ARHGEF18: variants seen among roughly 807,000 people sequenced by gnomAD.
The protein encoded by ARHGEF18 is rho guanine nucleotide exchange factor 18.
Under a neutral mutation model 155.7 loss-of-function variants are expected in ARHGEF18, and 93 were observed. The observed-to-expected ratio is 0.60, with a 90% CI of 0.50 to 0.71. The LOEUF is 0.71. Among genes scored for constraint, ARHGEF18 ranks in the 30% least tolerant of loss-of-function variants. The pLI, the probability that ARHGEF18 is intolerant of heterozygous loss-of-function variation, is 0.00. For missense variants in ARHGEF18, 1,593 were observed against 1,816.1 expected (o/e 0.88, Z 2.23); for synonymous variants, 742 against 753.1 (o/e 0.99, Z 0.24).
At chr19:7,438,958 C>G (rs376103129) in intron 10 of ARHGEF18, among the ~76,000 whole-genome samples, 3 of 151,904 alleles carry the variant, frequency 2.0e-5, no homozygotes, top group Non-Finnish European at 2.9e-5. Context: ...CTGCAACCTC[C>G]GACTCCCGGG....
intron 11 of ARHGEF18, among the ~76,000 whole-genome samples, chr19:7,441,190 T>C (rs1242666709): frequency 8.7e-6 from 1 of 114,364 alleles, no homozygotes; most frequent in African/African-American, 3.4e-5. Flanking sequence ...ACCACTTTTT[T>C]TTTTTTTTCT....
At chr19:7,372,492 G>A (rs1332481193) in intron 2 of ARHGEF18, among the ~76,000 whole-genome samples, 1 of 152,016 alleles carries the variant, frequency 6.6e-6, no homozygotes, top group Non-Finnish European at 1.5e-5. Flanking sequence ...AAAAAAGAGA[G>A]AGAGATAATC....
chr19:7,362,146 A>G (rs1208092790), intron 1 of ARHGEF18, among the ~76,000 whole-genome samples: 1 of 41,136 alleles, frequency 2.4e-5, no homozygotes, highest in African/African-American at 1.8e-4. Context: ...GGAGAAGGAG[A>G]AGGAGAAGGA....
intron 10 of ARHGEF18, among the ~76,000 whole-genome samples, chr19:7,438,514 C>A (rs928805762): frequency 6.6e-6 from 1 of 151,704 alleles, no homozygotes; most frequent in Non-Finnish European, 1.5e-5. Context: ...GGGGTTCAAA[C>A]GATTCTCCTG....
At chr19:7,417,569 C>T (rs1195893840) in intron 10 of ARHGEF18, among the ~76,000 whole-genome samples, 1 of 152,090 alleles carries the variant, frequency 6.6e-6, no homozygotes, top group East Asian at 1.9e-4. Flanking sequence ...GAGTGGCGCA[C>T]GCCTGTAATC....
At chr19:7,369,561 G>A (rs1052465261) in intron 2 of ARHGEF18, among the ~76,000 whole-genome samples, 15 of 152,050 alleles carry the variant, frequency 9.9e-5, no homozygotes, top group African/African-American at 3.4e-4. Context: ...CCCTTTGGGA[G>A]GCTGAGGCAG....
intron 10 of ARHGEF18, among the ~76,000 whole-genome samples, chr19:7,416,584 G>A (rs965043243): frequency 1.7e-5 from 2 of 121,118 alleles, no homozygotes; most frequent in African/African-American, 6.1e-5. Context: ...TGTGTTTTGG[G>A]GTGGATGATA....
chr19:7,424,160 G>A (rs191199815), intron 10 of ARHGEF18, among the ~76,000 whole-genome samples: 1 of 152,058 alleles, frequency 6.6e-6, no homozygotes, highest in East Asian at 1.9e-4. Context: ...CCGAGTAGCT[G>A]GGATTACAGG....
chr19:7,395,374 G>C lies in ARHGEF18; in HGVS notation c.967+12171G>C. ...TCGGGCCTCCCGCCGGCTCCTGGGG[G>C]ACTTCTCCAGGCAGGCGAACGGGTG... On this transcript the variant is annotated intron_variant, in intron 10 of 28. Coordinates refer to ENST00000668164, the MANE Select transcript of ARHGEF18 (RefSeq NM_001367823.1). This position sits in a 1 kb window ranked among gnomAD's most constrained non-coding sequence, Gnocchi z 5.0. 1 of 933,438 alleles carries C rather than the reference G, an allele frequency of 1.1e-6. No individual in the cohort carries two copies. Among genetic ancestry groups the C allele is most frequent in the Non-Finnish European group, 1.3e-6 (1 of 782,524 alleles). 57.8% of individuals were successfully genotyped at this position (933,438 alleles called of 1,614,324 possible).
At chr19:7,409,784 TATTGAG>T (rs1972564140) in intron 10 of ARHGEF18, among the ~76,000 whole-genome samples, 1 of 136,456 alleles carries the variant, frequency 7.3e-6, no homozygotes, top group Non-Finnish European at 1.5e-5. Flanking sequence ...TTTTTTTTTT[TATTGAG>T]ATGGAGTCTC....
chr19:7,441,905 C>T lies in ARHGEF18; in HGVS notation c.1220-7C>T. ...CCCCCAGCAGCCACACCTCGCTCTT[C>T]CCTCAGATCCCTACACCGCCTCGCT... On this transcript the variant is annotated splice_polypyrimidine_tract_variant and splice_region_variant and intron_variant, in intron 12 of 28. Transcript: ENST00000668164. The T allele has an allele frequency of 6.2e-7, 1 of 1,614,006 alleles. No individual in the cohort carries two copies.
At chr19:7,429,389 G>A (rs780179065) in intron 10 of ARHGEF18, among the ~76,000 whole-genome samples, 1 of 152,088 alleles carries the variant, frequency 6.6e-6, no homozygotes, top group Non-Finnish European at 1.5e-5. Flanking sequence ...GATCACTTGA[G>A]GTCAGGCTTT....
rs1022773869 is a variant in ARHGEF18 at position 7,457,319 on chromosome 19, G to A, written c.2181+916G>A. 2.4e-4 allele frequency among the ~76,000 whole-genome samples: 34 copies of A among 143,132 alleles called. No homozygotes were observed. The East Asian group carries it at 5.3e-3, about 22-fold the overall frequency. 93.9% of individuals were successfully genotyped at this position (143,132 alleles called of 152,430 possible). A position where few individuals can be genotyped will look rare whatever the true frequency, so the allele number is the denominator to read the frequency against. On this transcript the variant is annotated intron_variant, in intron 18 of 28. Coordinates refer to ENST00000668164, the MANE Select transcript of ARHGEF18 (RefSeq NM_001367823.1). ...TGCCAGTCAGATTGGATTTGGGCCCGCCCATATGATCTCATTTTGCCATAA... is the reference window on the plus strand; with the variant it reads ...TGCCAGTCAGATTGGATTTGGGCCCACCCATATGATCTCATTTTGCCATAA...
chr19:7,407,806 C>CAA, intron 10 of ARHGEF18, among the ~76,000 whole-genome samples: 2 of 151,370 alleles, frequency 1.3e-5, no homozygotes. Flanking sequence ...ACTGAAAATA[C>CAA]AAAAAAACTA....
At chr19:7,475,930 C>T (rs985453766), downstream of ARHGEF18, among the ~76,000 whole-genome samples, 7 of 152,224 alleles carry the variant, frequency 4.6e-5, no homozygotes, top group African/African-American at 1.7e-4. Context: ...AAGCCTGGCC[C>T]ACTCGTGAGT....
At chr19:7,441,630 T>C (rs1355755916) in intron 11 of ARHGEF18, 23 bp from the exon 12 acceptor site, 21 of 1,597,258 alleles carry the variant, frequency 1.3e-5, no homozygotes, top group Non-Finnish European at 1.7e-5. Context: ...TCTAAAACAA[T>C]TGTTTTTATT....
At chr19:7,468,782 A>C (rs1254854474) in intron 26 of ARHGEF18, 43 bp from the exon 27 acceptor site, 1 of 1,487,978 alleles carries the variant, frequency 6.7e-7, no homozygotes. Flanking sequence ...GAGGCCGCAC[A>C]GCAGGAACCT....
intron 1 of ARHGEF18, among the ~76,000 whole-genome samples, chr19:7,350,781 T>G (rs1236521869): frequency 1.8e-4 from 25 of 139,652 alleles, no homozygotes; most frequent in East Asian, 8.7e-4. Context: ...TGTGTGTGTG[T>G]GTGTGTGTGT....
intron 10 of ARHGEF18, among the ~76,000 whole-genome samples, chr19:7,415,068 C>T (rs189713089): frequency 1.7e-3 from 251 of 152,098 alleles, no homozygotes; most frequent in Non-Finnish European, 2.5e-3. Flanking sequence ...TGTGTTCTCC[C>T]CTCCCCCAAA....
Sources: allele counts gnomAD v4.1 joint callset (sites outside exome capture counted in the v4.1 genomes callset), GRCh38; gene constraint gnomAD v4.1.1; non-coding constraint Gnocchi (gnomAD v3.1); transcripts MANE v1.5; gene names NCBI Gene and HGNC (gene_info 2026-07-23, HGNC 2026-07-21).